Variants in RAPGEF6 observed in about 807,000 individuals in gnomAD.
RAPGEF6 encodes the protein Rap guanine nucleotide exchange factor 6.
A neutral mutation model predicts 171.4 loss-of-function variants in RAPGEF6; 56 were observed. The observed-to-expected ratio is 0.33, with a 90% CI of 0.26 to 0.41. The LOEUF is 0.41. Among genes scored for constraint, RAPGEF6 ranks in the 10% least tolerant of loss-of-function variants. The pLI is 1.00. For synonymous variants in RAPGEF6, 692 were observed against 650.1 expected, an observed-to-expected ratio of 1.06 and a Z score of -0.98; for missense variants, 1,674 against 1,921.4, an observed-to-expected ratio of 0.87 and a Z score of 2.41.
intron 1 of RAPGEF6, among the ~76,000 whole-genome samples, chr5:131,631,547 G>T (rs144147271): frequency 8.3e-4 from 127 of 152,280 alleles, no homozygotes; most frequent in African/African-American, 3.0e-3. Context: ...ACTTTAGTCA[G>T]AGTGACCATC....
intron 15 of RAPGEF6, among the ~76,000 whole-genome samples, chr5:131,484,838 C>T (rs771575277): frequency 6.6e-6 from 1 of 152,026 alleles, no homozygotes; most frequent in Non-Finnish European, 1.5e-5. Context: ...CAGTATGGTT[C>T]CATTGTATAT....
chr5:131,621,097 TATGCTG>T (rs1433190136), intron 1 of RAPGEF6, among the ~76,000 whole-genome samples: 4 of 152,212 alleles, frequency 2.6e-5, no homozygotes, highest in Non-Finnish European at 4.4e-5. Flanking sequence ...GGCCTTGGCA[TATGCTG>T]TTACCCTTTC....
At chr5:131,432,854 T>C (rs1751792706) in intron 25 of RAPGEF6, among the ~76,000 whole-genome samples, 2 of 152,196 alleles carry the variant, frequency 1.3e-5, no homozygotes, top group Admixed American at 6.5e-5. Context: ...ATAATTTATC[T>C]TAAATTTTTC....
chr5:131,442,045 T>G (rs1442636307), intron 23 of RAPGEF6, among the ~76,000 whole-genome samples: 1 of 152,238 alleles, frequency 6.6e-6, no homozygotes, highest in Non-Finnish European at 1.5e-5. Context: ...GCATCTGTAT[T>G]GGATATTTCA....
intron 22 of RAPGEF6, 28 bp downstream of exon 22, chr5:131,446,455 C>T (rs770134197): frequency 5.1e-6 from 8 of 1,571,728 alleles, no homozygotes; most frequent in Middle Eastern, 1.8e-4. Flanking sequence ...TGCTCTTTAG[C>T]GTCACATAAA....
intron 6 of RAPGEF6, among the ~76,000 whole-genome samples, chr5:131,545,169 GT>G (rs916324452): frequency 6.6e-6 from 1 of 152,020 alleles, no homozygotes; most frequent in Non-Finnish European, 1.5e-5. Context: ...TAGGATTCAT[GT>G]TTATACAAAG....
intron 15 of RAPGEF6, among the ~76,000 whole-genome samples, chr5:131,484,415 C>CA (rs1288073678): frequency 2.0e-5 from 3 of 151,742 alleles, no homozygotes; most frequent in African/African-American, 7.3e-5. Flanking sequence ...TTAGTAGAGA[C>CA]AGAGTTAGCT....
intron 3 of RAPGEF6, among the ~76,000 whole-genome samples, chr5:131,597,698 T>G (rs1360511035): frequency 6.6e-6 from 1 of 152,084 alleles, no homozygotes; most frequent in East Asian, 1.9e-4. Context: ...TACCAGAGAC[T>G]GGAGTGGGGA....
At chr5:131,539,535 A>G (rs1477270220) in intron 6 of RAPGEF6, among the ~76,000 whole-genome samples, 1 of 152,156 alleles carries the variant, frequency 6.6e-6, no homozygotes, top group Non-Finnish European at 1.5e-5. Flanking sequence ...GGGGGCATGG[A>G]CCTATTTCTT....
chr5:131,607,348 T>C (rs933651210), intron 1 of RAPGEF6, among the ~76,000 whole-genome samples: 1 of 152,236 alleles, frequency 6.6e-6, no homozygotes, highest in Non-Finnish European at 1.5e-5. Flanking sequence ...CTGTGCAGAC[T>C]ACCACAGAAT....
intron 19 of RAPGEF6, among the ~76,000 whole-genome samples, chr5:131,457,927 T>TC (rs1230420127): frequency 2.0e-5 from 3 of 152,248 alleles, no homozygotes; most frequent in African/African-American, 7.2e-5. Context: ...AACTCAAAAC[T>TC]CCCAAAATAT....
chr5:131,618,147 C>T (rs138718108), intron 1 of RAPGEF6, among the ~76,000 whole-genome samples: 1 of 152,204 alleles, frequency 6.6e-6, no homozygotes, highest in Admixed American at 6.5e-5. Context: ...ATCAAAAGGA[C>T]ATAGGACCTG....
At chr5:131,464,324 T>A in intron 17 of RAPGEF6, 43 bp from the exon 18 acceptor site, 1 of 1,556,432 alleles carries the variant, frequency 6.4e-7, no homozygotes, top group Non-Finnish European at 8.8e-7. Context: ...TTTAAAAAAA[T>A]CACTTTTAAA....
chr5:131,539,751 ACT>A (rs542385217), intron 6 of RAPGEF6, among the ~76,000 whole-genome samples: 277 of 152,270 alleles, frequency 1.8e-3, no homozygotes, highest in Middle Eastern at 0.014. Context: ...ATGTACATTA[ACT>A]CTCTAATATG....
intron 17 of RAPGEF6, among the ~76,000 whole-genome samples, chr5:131,465,060 T>C (rs1424094505): frequency 6.6e-6 from 1 of 152,228 alleles, no homozygotes; most frequent in African/African-American, 2.4e-5. Context: ...CCATTATGTC[T>C]TTTTAAAAAT....
intron 21 of RAPGEF6, among the ~76,000 whole-genome samples, chr5:131,452,223 A>AC (rs1360721221): frequency 6.6e-6 from 1 of 151,796 alleles, no homozygotes; most frequent in Admixed American, 6.6e-5. Flanking sequence ...CCGTCTCAAA[A>AC]AAAAAAAAAA....
intron 21 of RAPGEF6, chr5:131,447,283 T>C (rs555139063): frequency 6.5e-6 from 1 of 153,412 alleles, no homozygotes; most frequent in Admixed American, 6.5e-5. Context: ...AGCATTTATA[T>C]GCAATTCAAT....
At chr5:131,597,468 T>C (rs990987886) in intron 3 of RAPGEF6, among the ~76,000 whole-genome samples, 2 of 152,000 alleles carry the variant, frequency 1.3e-5, no homozygotes, top group Non-Finnish European at 2.9e-5. Flanking sequence ...CAACAATGAA[T>C]GAACAGATAA....
rs1024635761 is a variant in RAPGEF6 at position 131,559,067 on chromosome 5, C to G, written c.351+2911G>C. ...TCCTGGCCAGGCAAAGCGGCTCACA[C>G]CTGTTAATCCCAGCGCTTTGGGAGG... On this transcript the variant is annotated intron_variant, in intron 5 of 27. Transcript: ENST00000509018. Among the ~76,000 whole-genome samples the G allele has an allele frequency of 3.3e-5, 5 of 152,140 alleles. No individual in the cohort carries two copies. In the South Asian group the frequency reaches 1.0e-3, roughly 31 times the overall value.
Sources: allele counts gnomAD v4.1 joint callset (sites outside exome capture counted in the v4.1 genomes callset), GRCh38; gene constraint gnomAD v4.1.1; transcripts MANE v1.5; gene names NCBI Gene and HGNC (gene_info 2026-07-23, HGNC 2026-07-21).